Variants in NCALD observed in about 807,000 individuals in gnomAD.
NCALD encodes neurocalcin-delta.
NCALD carries 10 observed loss-of-function variants against 18.6 expected under a neutral mutation model. The ratio of observed to expected loss-of-function variants is 0.54; its 90% CI spans 0.33 to 0.91. NCALD has a LOEUF of 0.91. Ranked by LOEUF, NCALD falls within the 40% of genes least tolerant of loss-of-function variation. The pLI is 0.03. For synonymous variants in NCALD, 88 were observed against 87.4 expected, an observed-to-expected ratio of 1.01 and a Z score of -0.04; for missense variants, 184 against 247.6, an observed-to-expected ratio of 0.74 and a Z score of 1.72.
chr8:101,933,717 TAAAGGA>T (rs1818658145), intron 2 of NCALD, among the ~76,000 whole-genome samples: 1 of 152,210 alleles, frequency 6.6e-6, no homozygotes, highest in African/African-American at 2.4e-5. Flanking sequence ...TCATCGATCC[TAAAGGA>T]CCTGTCTTGG....
chr8:102,118,383 G>A (rs1164527955), intron 1 of NCALD, among the ~76,000 whole-genome samples: 1 of 152,210 alleles, frequency 6.6e-6, no homozygotes, highest in Admixed American at 6.5e-5. Context: ...GATCTTACCC[G>A]CACCTTTGTA....
At chr8:101,949,688 T>C (rs1161255951) in intron 2 of NCALD, among the ~76,000 whole-genome samples, 2 of 151,854 alleles carry the variant, frequency 1.3e-5, no homozygotes, top group Non-Finnish European at 2.9e-5. Flanking sequence ...GCCATCCAAA[T>C]AGACCAAGTG....
intron 1 of NCALD, among the ~76,000 whole-genome samples, chr8:102,078,076 C>T (rs1824405007): frequency 6.6e-6 from 1 of 152,094 alleles, no homozygotes; most frequent in African/African-American, 2.4e-5. Context: ...ATTTTCTCTC[C>T]TCCCTCACCC....
intron 2 of NCALD, among the ~76,000 whole-genome samples, chr8:101,971,946 G>T (rs958478787): frequency 4.6e-5 from 7 of 152,152 alleles, no homozygotes; most frequent in Non-Finnish European, 1.0e-4. Flanking sequence ...CTTGTAGAAA[G>T]TCATGCCATC....
chr8:101,894,878 A>G lies in NCALD; in HGVS notation c.-106-7651T>C, dbSNP rs1289045721. 1.3e-5 allele frequency among the ~76,000 whole-genome samples: 2 copies of G among 150,640 alleles called. 1 individual carries two copies. Among genetic ancestry groups the G allele is most frequent in the African/African-American group, 5.0e-5 (2 of 40,058 alleles). On this transcript the variant is annotated intron_variant, in intron 3 of 6. Transcript: ENST00000311028. ...AAATTGTGGCAATAATCAATAGTTT[A>G]CCAACCAAAAAGATTCCAGGACCAG...
At chr8:101,727,213 C>A (rs1212731956) in intron 1 of NCALD, among the ~76,000 whole-genome samples, 1 of 152,202 alleles carries the variant, frequency 6.6e-6, no homozygotes, top group African/African-American at 2.4e-5. Context: ...AGCACTGAGG[C>A]TCATCTGAGA....
At chr8:101,929,120 A>G (rs1049995366) in intron 2 of NCALD, among the ~76,000 whole-genome samples, 1 of 151,418 alleles carries the variant, frequency 6.6e-6, no homozygotes, top group African/African-American at 2.4e-5. Flanking sequence ...TATTTAATCC[A>G]TCATATACAT....
At chr8:101,759,954 G>A (rs1178242850) in intron 1 of NCALD, among the ~76,000 whole-genome samples, 4 of 152,222 alleles carry the variant, frequency 2.6e-5, no homozygotes, top group Admixed American at 6.5e-5. Context: ...GGGCAGTGGC[G>A]CTTGCATTTA....
At chr8:102,078,390 C>T (rs1824417740) in intron 1 of NCALD, among the ~76,000 whole-genome samples, 1 of 152,186 alleles carries the variant, frequency 6.6e-6, no homozygotes, top group Non-Finnish European at 1.5e-5. Context: ...CCACAGTGAT[C>T]TTTTAAAAAT....
At chr8:101,861,773 A>G (rs917714905) in intron 4 of NCALD, among the ~76,000 whole-genome samples, 1 of 152,168 alleles carries the variant, frequency 6.6e-6, no homozygotes, top group African/African-American at 2.4e-5. Context: ...TTGAGACCCT[A>G]TGCATTTGTA....
At chr8:101,731,816 T>C (rs763331171) in intron 1 of NCALD, among the ~76,000 whole-genome samples, 1 of 152,148 alleles carries the variant, frequency 6.6e-6, no homozygotes, top group Admixed American at 6.5e-5. Flanking sequence ...ATTGGAGGGG[T>C]ACTTTCACTG....
At chr8:101,905,418 C>T (rs1456990873) in intron 3 of NCALD, among the ~76,000 whole-genome samples, 1 of 152,098 alleles carries the variant, frequency 6.6e-6, no homozygotes, top group Non-Finnish European at 1.5e-5. Context: ...ACTCCAAAGT[C>T]AGGAGGCCGA....
At chr8:101,747,159 A>G (rs10113785) in intron 1 of NCALD, among the ~76,000 whole-genome samples, 1 of 151,838 alleles carries the variant, frequency 6.6e-6, no homozygotes, top group Admixed American at 6.6e-5. Context: ...TTCCTGCCCC[A>G]CACACACAGA....
chr8:101,719,688 G>C (rs752135317), intron 1 of NCALD, 40 bp from the exon 2 acceptor site: 284 of 1,474,410 alleles, frequency 1.9e-4, no homozygotes, highest in Non-Finnish European at 2.5e-4. Context: ...TTGTAGAGCT[G>C]CTCTTTAGGG....
At chr8:101,806,868 AT>A (rs778586193) in intron 4 of NCALD, among the ~76,000 whole-genome samples, 3 of 152,016 alleles carry the variant, frequency 2.0e-5, no homozygotes, top group Non-Finnish European at 2.9e-5. Context: ...CATAGTTAAA[AT>A]GCTGAAAGAC....
At chr8:101,887,521 A>T (rs1816718720) in intron 3 of NCALD, among the ~76,000 whole-genome samples, 1 of 152,304 alleles carries the variant, frequency 6.6e-6, no homozygotes, top group Non-Finnish European at 1.5e-5. Context: ...AATTTATTAC[A>T]GGGAGAAACA....
At chr8:101,895,263 C>T (rs1209151715) in intron 3 of NCALD, among the ~76,000 whole-genome samples, 1 of 132,200 alleles carries the variant, frequency 7.6e-6, no homozygotes, top group African/African-American at 3.8e-5. Context: ...AGACAAAAAC[C>T]ACATGATTAT....
chr8:101,840,311 T>C (rs895805082), intron 4 of NCALD, among the ~76,000 whole-genome samples: 6 of 152,172 alleles, frequency 3.9e-5, no homozygotes, highest in Admixed American at 6.5e-5. Context: ...AATACATTTG[T>C]GGTAATTCTT....
chr8:101,820,808 A>G (rs1280440486), intron 4 of NCALD, among the ~76,000 whole-genome samples: 1 of 152,224 alleles, frequency 6.6e-6, no homozygotes, highest in Non-Finnish European at 1.5e-5. Flanking sequence ...AAAACAATAT[A>G]CTTGGAAATA....
Sources: gnomAD v4.1 joint callset for allele counts (sites outside exome capture counted in the v4.1 genomes callset) on GRCh38, gnomAD v4.1.1 for gene constraint, MANE v1.5 for transcripts, NCBI Gene and HGNC (gene_info 2026-07-23, HGNC 2026-07-21) for gene names.